Variants in PRR14L observed in about 807,000 individuals in gnomAD.
PRR14L encodes the protein protein PRR14L.
PRR14L carries 80 observed loss-of-function variants against 155.0 expected under a neutral mutation model. That is an observed-to-expected ratio of 0.52 (90% CI 0.43 to 0.62). The LOEUF (loss-of-function observed/expected upper bound fraction) is 0.62, where lower values mean the gene tolerates loss of function less well. Ranked by LOEUF, PRR14L falls within the 20% of genes least tolerant of loss-of-function variation. PRR14L has a pLI of 0.00. For missense variants in PRR14L, 2,469 were observed against 2,548.0 expected (o/e 0.97, Z 0.67); for synonymous variants, 883 against 916.0 (o/e 0.96, Z 0.65).
intron 1 of PRR14L, among the ~76,000 whole-genome samples, chr22:31,743,191 G>A (rs1216835505): frequency 1.3e-5 from 2 of 151,846 alleles, no homozygotes; most frequent in Non-Finnish European, 2.9e-5. Context: ...AGTCCCAGCT[G>A]CTCTGGAGGC....
Position 31,713,050 on chromosome 22 carries a change from G to A in PRR14L, c.4789C>T (p.Pro1597Ser). ...TTCAGGCTCCTCAAGGGATGGCACG[G>A]TGTAGACATCTGCTTTGGTATGTGA... The part of the protein sequence containing the change: ...VSHIPKQMST[P>S]CHPLRSLNFR... Residue 1597 changes from proline to serine, a missense_variant, in exon 4 of 9, where the codon CCG becomes TCG. By Grantham distance (74) the Pro-to-Ser change is moderately conservative (BLOSUM62 -1). Coordinates refer to ENST00000327423, the MANE Select transcript of PRR14L (RefSeq NM_173566.3). 6 of 1,552,334 alleles carry A rather than the reference G, an allele frequency of 3.9e-6. No individual in the cohort carries two copies. The highest frequency in any genetic ancestry group is 5.2e-6 in the Non-Finnish European group (6 of 1,147,132).
rs1186378842 is a variant in PRR14L, at chr22:31,716,859, T to C, written c.980A>G (p.His327Arg). The C allele has an allele frequency of 1.9e-6, 3 of 1,551,950 alleles. No individual in the cohort carries two copies. The highest frequency in any genetic ancestry group is 2.0e-5 in the Admixed American group (1 of 50,998). ...GHHNEQPSST[H>R]DSPTATSPLK... ...AGGGCTTGTGGCTGTGGGACTATCA[T>C]GTGTAGAACTGGGTTGTTCATTATG... is the stretch of plus-strand genomic sequence containing the variant. Residue 327 changes from histidine to arginine, a missense_variant, in exon 4 of 9, where the codon CAT (histidine) becomes CGT (arginine). Transcript: ENST00000327423.
intron 1 of PRR14L, among the ~76,000 whole-genome samples, chr22:31,739,651 G>A (rs931605414): frequency 2.0e-5 from 3 of 152,150 alleles, no homozygotes; most frequent in Admixed American, 6.6e-5. Flanking sequence ...CACCACACCT[G>A]AGGAGGTTAA....
intron 7 of PRR14L, among the ~76,000 whole-genome samples, chr22:31,698,877 G>A (rs1166884497): frequency 2.0e-5 from 3 of 150,414 alleles, no homozygotes; most frequent in East Asian, 2.0e-4. Flanking sequence ...AGCCGAGATC[G>A]TGCCACTGCA....
Position 31,712,658 on chromosome 22 carries a change from G to A in PRR14L, c.5181C>T (p.Ser1727=). The change falls in exon 4 of 9, where the codon AGC becomes AGT. Residue 1727 remains serine, a synonymous_variant. Coordinates refer to ENST00000327423, the MANE Select transcript of PRR14L (RefSeq NM_173566.3). ...FPVSFHVKSS[S]SDCTTESSRT... ...TTGAGGACTCAGTCGTGCAATCTGA[G>A]CTGGATGATTTCACATGAAAGGATA... The A allele has an allele frequency of 6.4e-7, 1 of 1,551,758 alleles. No homozygotes were observed. The highest frequency in any genetic ancestry group is 1.2e-5 in the South Asian group (1 of 84,070).
intron 1 of PRR14L, 43 bp from the exon 2 acceptor site, chr22:31,738,954 T>G: frequency 1.1e-6 from 1 of 889,432 alleles, no homozygotes; most frequent in Non-Finnish European, 1.7e-6. Context: ...AAAACCTTGA[T>G]AGGTTAGAAG....
rs201349532 is a variant in PRR14L at position 31,713,934 on chromosome 22, G to T, written c.3905C>A (p.Thr1302Asn). 4 of 1,551,700 alleles carry T rather than the reference G, an allele frequency of 2.6e-6. No individual in the cohort carries two copies. The highest frequency in any genetic ancestry group is 2.6e-6 in the Non-Finnish European group (3 of 1,146,938). ...TTTGCAAGCATTCTTTTCCACACAG[G>T]TACATACGCTGTCTCTGTCACTAGA... is the stretch of plus-strand genomic sequence containing the variant. Reference protein sequence around the residue: ...SNSSDRDSVCTCVEKNACKAC... With the variant: ...SNSSDRDSVCNCVEKNACKAC... Residue 1302 changes from threonine (T) to asparagine (N), a missense_variant, in exon 4 of 9, where the codon ACC (threonine) becomes AAC (asparagine). Physicochemically the swap from Thr to Asn is moderately conservative, Grantham distance 65. Coordinates refer to ENST00000327423, the MANE Select transcript of PRR14L (RefSeq NM_173566.3).
At chr22:31,729,207 AATTT>A (rs1248321521) in intron 2 of PRR14L, among the ~76,000 whole-genome samples, 1 of 152,142 alleles carries the variant, frequency 6.6e-6, no homozygotes, top group African/African-American at 2.4e-5. Flanking sequence ...ATTAGTTGCA[AATTT>A]ATTTATTTAT....
intron 1 of PRR14L, among the ~76,000 whole-genome samples, chr22:31,743,816 A>C (rs1347774055): frequency 6.6e-6 from 1 of 151,812 alleles, no homozygotes; most frequent in Non-Finnish European, 1.5e-5. Context: ...AAAAAAAAAA[A>C]GAACCTGACC....
rs1057407904 is a variant in PRR14L at position 31,715,445 on chromosome 22, T to C, written c.2394A>G (p.Glu798=). 24 of 1,552,242 alleles carry C rather than the reference T, an allele frequency of 1.5e-5. No homozygotes were observed. In the Middle Eastern group the frequency reaches 5.0e-4, roughly 32 times the overall value. Reference sequence around the variant, plus strand: ...AAGCAGCAGAAGCAGAACACATGTTTTCCTGGGATACATTTTTTCTTACAC... The same window carrying C: ...AAGCAGCAGAAGCAGAACACATGTTCTCCTGGGATACATTTTTTCTTACAC... ...CHRVRKNVSQ[E]NMCSASAAFK... The change falls in exon 4 of 9, where the codon GAA becomes GAG. Residue 798 remains glutamate, a synonymous_variant. Coordinates refer to ENST00000327423, the MANE Select transcript of PRR14L (RefSeq NM_173566.3).
chr22:31,695,857 G>A (rs760336246), intron 7 of PRR14L, among the ~76,000 whole-genome samples: 1 of 152,044 alleles, frequency 6.6e-6, no homozygotes, highest in Non-Finnish European at 1.5e-5. Context: ...TAACCCGAGT[G>A]TACCCTTCAG....
intron 7 of PRR14L, among the ~76,000 whole-genome samples, chr22:31,700,866 C>T (rs1425622392): frequency 6.6e-6 from 1 of 151,750 alleles, no homozygotes; most frequent in Non-Finnish European, 1.5e-5. Context: ...GTATAGAAAG[C>T]TTAAGTGTTG....
At chr22:31,748,802 G>C (rs1420545749) in intron 1 of PRR14L, among the ~76,000 whole-genome samples, 1 of 152,234 alleles carries the variant, frequency 6.6e-6, no homozygotes, top group African/African-American at 2.4e-5. Flanking sequence ...TTTCTCTTAA[G>C]AGCACAGACC....
intron 5 of PRR14L, 78 bp downstream of exon 5, chr22:31,704,577 C>A: frequency 8.5e-7 from 1 of 1,182,614 alleles, no homozygotes; most frequent in South Asian, 1.3e-5. Flanking sequence ...AGACGATCCA[C>A]ACCACCTATG....
intron 7 of PRR14L, among the ~76,000 whole-genome samples, chr22:31,691,118 C>G (rs115990539): frequency 0.014 from 2,198 of 151,790 alleles, 56 homozygotes; most frequent in African/African-American, 0.051. Flanking sequence ...CGCCTACCAC[C>G]ACGCGCGGCT....
At chr22:31,688,918 A>T (rs904828375) in intron 7 of PRR14L, among the ~76,000 whole-genome samples, 2 of 151,828 alleles carry the variant, frequency 1.3e-5, no homozygotes, top group African/African-American at 4.8e-5. Context: ...ACACACACAC[A>T]CACACACAAA....
chr22:31,690,516 G>A (rs941591618), intron 7 of PRR14L, among the ~76,000 whole-genome samples: 2 of 151,966 alleles, frequency 1.3e-5, no homozygotes, highest in South Asian at 2.1e-4. Context: ...ACAGCATCTC[G>A]CTCTCTTGCC....
Position 31,712,588 on chromosome 22 carries a change from C to T in PRR14L, c.5251G>A (p.Glu1751Lys). 1 of 1,551,718 alleles carries T rather than the reference C, an allele frequency of 6.4e-7. No homozygotes were observed. The highest frequency in any genetic ancestry group is 1.7e-4 in the Middle Eastern group (1 of 5,992). ...GGTTGAGACGGGCACTGGAGGGCCT[C>T]TCCTAAGGCAAGCCTTGCCGGAGCA... is the stretch of plus-strand genomic sequence containing the variant. ...HCAPARLALG[E>K]ALQCPSQPPK... The change falls in exon 4 of 9, where the codon GAG (glutamate) becomes AAG (lysine). Residue 1751 changes from glutamate (E) to lysine (K), a missense_variant. Glu to Lys is a moderately conservative substitution (Grantham distance 56). Transcript: ENST00000327423.
rs552761485 is a variant in PRR14L at position 31,750,120 on chromosome 22, C to A, written c.-179G>T. On this transcript the variant is annotated 5_prime_UTR_variant, in exon 1 of 9. Transcript: ENST00000327423. ...GCCGGGGGCGCTCCGGCCGCCGCCA[C>A]CTCTTCGTCTCTATGGTCCCCCTGC... 1.1e-3 allele frequency: 163 copies of A among 152,682 alleles called. 10 individuals are homozygous for A. The South Asian group carries it at 0.033, about 31-fold the overall frequency. The allele number at this position is 152,682 out of a possible 1,614,324, so 9.5% of individuals were successfully genotyped here.
Sources: gnomAD v4.1 joint callset for allele counts (sites outside exome capture counted in the v4.1 genomes callset) on GRCh38, gnomAD v4.1.1 for gene constraint, MANE v1.5 for transcripts, NCBI Gene and HGNC (gene_info 2026-07-23, HGNC 2026-07-21) for gene names.